The following CDH20 variants were observed in gnomAD, a reference collection of about 807,000 sequenced individuals.
The protein encoded by CDH20 is cadherin-20.
A neutral mutation model predicts 74.2 loss-of-function variants in CDH20; 29 were observed. The ratio of observed to expected loss-of-function variants is 0.39; its 90% CI spans 0.29 to 0.53. The LOEUF is 0.53. CDH20 is among the 20% of genes least tolerant of loss of function. CDH20 has a pLI of 0.69. For missense variants in CDH20, 988 were observed against 1,048.3 expected (o/e 0.94, Z 0.79); for synonymous variants, 469 against 405.4 (o/e 1.16, Z -1.88).
intron 1 of CDH20, among the ~76,000 whole-genome samples, chr18:61,458,735 T>C (rs1909666933): frequency 6.6e-6 from 1 of 152,242 alleles, no homozygotes; most frequent in South Asian, 2.1e-4. Flanking sequence ...TGCAATTGCA[T>C]GTGAATTAAT....
chr18:61,473,031 AG>A (rs1910239761), intron 1 of CDH20, among the ~76,000 whole-genome samples: 1 of 152,206 alleles, frequency 6.6e-6, no homozygotes, highest in African/African-American at 2.4e-5. Flanking sequence ...AGTCTAAAGT[AG>A]TTTTTGCTCA....
intron 1 of CDH20, among the ~76,000 whole-genome samples, chr18:61,423,807 A>AGATTAAAT (rs1912974655): frequency 6.6e-6 from 1 of 152,216 alleles, no homozygotes; most frequent in Non-Finnish European, 1.5e-5. Context: ...TCCAAATGCT[A>AGATTAAAT]GATTAAATTC....
intron 7 of CDH20, among the ~76,000 whole-genome samples, chr18:61,530,749 C>T (rs1912609568): frequency 1.3e-5 from 2 of 152,126 alleles, no homozygotes; most frequent in Admixed American, 1.3e-4. Flanking sequence ...TTTTGGCAGG[C>T]AGGATACTGA....
chr18:61,505,631 C>A (rs947638045), intron 5 of CDH20, among the ~76,000 whole-genome samples: 2 of 152,170 alleles, frequency 1.3e-5, no homozygotes, highest in African/African-American at 4.8e-5. Context: ...CCACCACACC[C>A]AGCCTCAAGC....
chr18:61,554,716 C>A lies in CDH20; in HGVS notation c.*21C>A. 1 of 1,527,516 alleles carries A rather than the reference C, an allele frequency of 6.5e-7. No homozygotes were observed. Among genetic ancestry groups the A allele is most frequent in the Non-Finnish European group, 8.8e-7 (1 of 1,137,626 alleles). The allele number at this position is 1,527,516 out of a possible 1,614,324, so 94.6% of individuals were successfully genotyped here. The stretch of plus-strand genomic sequence containing the variant: ...GGTGACGGAAGCCAGGAGGCAGGCG[C>A]GCGTCCAAATCCAGACGTTCTCCGC... On this transcript the variant is annotated 3_prime_UTR_variant, in exon 12 of 12. Coordinates refer to ENST00000262717, the MANE Select transcript of CDH20 (RefSeq NM_031891.4).
chr18:61,365,344 C>G (rs1251471667), intron 1 of CDH20, among the ~76,000 whole-genome samples: 3 of 152,180 alleles, frequency 2.0e-5, no homozygotes, highest in Non-Finnish European at 2.9e-5. Context: ...ATTCTGAAAA[C>G]TGTCTGCCTC....
intron 1 of CDH20, among the ~76,000 whole-genome samples, chr18:61,465,620 T>C (rs569381189): frequency 7.4e-5 from 11 of 148,218 alleles, no homozygotes; most frequent in African/African-American, 2.7e-4. Context: ...AAGAACTACG[T>C]GGGTTGGAAT....
chr18:61,461,700 A>C (rs9676228), intron 1 of CDH20, among the ~76,000 whole-genome samples: 5,011 of 152,270 alleles, frequency 0.033, 278 homozygotes, highest in African/African-American at 0.11. Context: ...ATTGAAAATG[A>C]AAGTACACTC....
chr18:61,377,452 G>A (rs1284034521), intron 1 of CDH20, among the ~76,000 whole-genome samples: 1 of 151,792 alleles, frequency 6.6e-6, no homozygotes, highest in Non-Finnish European at 1.5e-5. Context: ...GGTTTCATCA[G>A]ACACGCGAAG....
Position 61,333,606 on chromosome 18 carries a change from G to A in CDH20, c.-374G>A, listed in dbSNP as rs1325930104. The A allele has an allele frequency of 6.6e-6, 1 of 150,590 alleles. No homozygotes were observed. Among genetic ancestry groups the A allele is most frequent in the African/African-American group, 2.4e-5 (1 of 41,012 alleles). The allele number at this position is 150,590 out of a possible 1,614,324, so 9.3% of individuals were successfully genotyped here. ...CACTTGGCAGTACCCCCCAACTCCT[G>A]GCAACCGCACGGAGACTTTGCGAAA... On this transcript the variant is annotated 5_prime_UTR_variant, in exon 1 of 12. Transcript: ENST00000262717.
intron 6 of CDH20, among the ~76,000 whole-genome samples, chr18:61,511,174 T>G (rs1372687599): frequency 1.3e-5 from 2 of 151,454 alleles, no homozygotes; most frequent in African/African-American, 4.9e-5. Flanking sequence ...GTTGTTTGTT[T>G]GAGACAGGGT....
intron 1 of CDH20, among the ~76,000 whole-genome samples, chr18:61,459,596 T>C (rs1480721822): frequency 6.6e-6 from 1 of 152,156 alleles, no homozygotes; most frequent in Admixed American, 6.5e-5. Context: ...CAAGATGTGG[T>C]CCACCAACTA....
At position 61,343,085 on chromosome 18, in the gene CDH20, G is replaced by A. The variant is rs73443787; in HGVS notation, c.-153+9258G>A. ...TAGACTCCAAGCTCCTTGAGGGTAA[G>A]GACAGGAACTCTCTTGTTCATCTTT... is the stretch of plus-strand genomic sequence containing the variant. On this transcript the variant is annotated intron_variant, in intron 1 of 11. Transcript: ENST00000262717. 3.7e-3 allele frequency among the ~76,000 whole-genome samples: 564 copies of A among 152,268 alleles called. 1 individual carries two copies. Among genetic ancestry groups the A allele is most frequent in the African/African-American group, 0.013 (537 of 41,554 alleles).
chr18:61,390,350 A>T (rs1911739351), intron 1 of CDH20, among the ~76,000 whole-genome samples: 1 of 152,214 alleles, frequency 6.6e-6, no homozygotes, highest in Admixed American at 6.6e-5. Context: ...CTTGATTGCA[A>T]ATTAAATTAC....
intron 9 of CDH20, among the ~76,000 whole-genome samples, chr18:61,544,210 G>A (rs939018793): frequency 1.3e-5 from 2 of 152,220 alleles, no homozygotes; most frequent in African/African-American, 4.8e-5. Flanking sequence ...AACCCCTAGG[G>A]GAAGCATGCA....
At chr18:61,349,630 T>A (rs972519973) in intron 1 of CDH20, among the ~76,000 whole-genome samples, 1 of 151,922 alleles carries the variant, frequency 6.6e-6, no homozygotes, top group South Asian at 2.1e-4. Flanking sequence ...CACCTAGGAG[T>A]TCTGCAATGA....
At chr18:61,362,240 G>A (rs1216263870) in intron 1 of CDH20, among the ~76,000 whole-genome samples, 1 of 152,128 alleles carries the variant, frequency 6.6e-6, no homozygotes, top group East Asian at 1.9e-4. Context: ...GTTCAATGTA[G>A]TGTTTAAAAA....
chr18:61,394,793 C>T (rs535850012), intron 1 of CDH20, among the ~76,000 whole-genome samples: 1 of 152,146 alleles, frequency 6.6e-6, no homozygotes, highest in Admixed American at 6.5e-5. Context: ...GCCGAGCCCA[C>T]CTGGCAGTTG....
chr18:61,381,834 T>A (rs993742635), intron 1 of CDH20, among the ~76,000 whole-genome samples: 1 of 152,218 alleles, frequency 6.6e-6, no homozygotes, highest in Non-Finnish European at 1.5e-5. Context: ...TTCAAATGTT[T>A]AAAATAAAAC....
Sources: allele counts gnomAD v4.1 joint callset (sites outside exome capture counted in the v4.1 genomes callset), GRCh38; gene constraint gnomAD v4.1.1; transcripts MANE v1.5; gene names NCBI Gene and HGNC (gene_info 2026-07-23, HGNC 2026-07-21).